The following SRGAP1 variants were observed in gnomAD, a reference collection of about 807,000 sequenced individuals.
SRGAP1 encodes the protein SLIT-ROBO Rho GTPase-activating protein 1.
A neutral mutation model predicts 121.9 loss-of-function variants in SRGAP1; 43 were observed. The ratio of observed to expected loss-of-function variants is 0.35; its 90% CI spans 0.28 to 0.46. SRGAP1 has a LOEUF of 0.46. Among genes scored for constraint, SRGAP1 ranks in the 20% least tolerant of loss-of-function variants. The pLI, the probability that SRGAP1 is intolerant of heterozygous loss-of-function variation, is 1.00. For missense variants in SRGAP1, 1,102 were observed against 1,350.9 expected, an observed-to-expected ratio of 0.82 and a Z score of 2.89; for synonymous variants, 447 against 485.4, an observed-to-expected ratio of 0.92 and a Z score of 1.04.
chr12:64,111,943 G>A lies in SRGAP1; in HGVS notation c.2101G>A (p.Asp701Asn), dbSNP rs2036436239. ...ETIFPDAKEL[D>N]GPVYEKCMAG... is the part of the protein sequence containing the mutation. ...TATTTTCCCAGATGCTAAAGAGCTG[G>A]ATGGCCCTGTTTATGAGAAATGTAT... The change falls in exon 17 of 22, where the codon GAT becomes AAT. Residue 701 changes from aspartate (D) to asparagine (N), a missense_variant. By Grantham distance (23) the Asp-to-Asn change is conservative (BLOSUM62 1). Transcript: ENST00000355086. The A allele has an allele frequency of 6.2e-7, 1 of 1,613,956 alleles. No individual in the cohort carries two copies. Among genetic ancestry groups the A allele is most frequent in the South Asian group, 1.1e-5 (1 of 91,044 alleles).
chr12:64,069,961 TC>T (rs563309269), intron 8 of SRGAP1, among the ~76,000 whole-genome samples: 7 of 152,336 alleles, frequency 4.6e-5, no homozygotes, highest in African/African-American at 1.4e-4. Flanking sequence ...CCGGTTGAAC[TC>T]CTGGGCTCAA....
At chr12:64,072,133 T>TGTGTGTGG (rs1375115269) in intron 8 of SRGAP1, among the ~76,000 whole-genome samples, 1 of 89,252 alleles carries the variant, frequency 1.1e-5, no homozygotes, top group East Asian at 3.8e-4. Context: ...TGTGTGTGTG[T>TGTGTGTGG]GTGTGTGTGT....
intron 2 of SRGAP1, among the ~76,000 whole-genome samples, chr12:63,986,559 A>G (rs993658432): frequency 6.6e-5 from 10 of 151,990 alleles, no homozygotes; most frequent in Admixed American, 5.9e-4. Context: ...GAGTAGCAGG[A>G]TTACAGGTGC....
intron 1 of SRGAP1, among the ~76,000 whole-genome samples, chr12:63,866,077 G>A (rs1899620238): frequency 6.6e-6 from 1 of 152,106 alleles, no homozygotes. Context: ...TTTTTGCTCA[G>A]CTCATGAGGC....
chr12:63,963,619 A>G (rs1313479581), intron 1 of SRGAP1, among the ~76,000 whole-genome samples: 2 of 152,184 alleles, frequency 1.3e-5, no homozygotes, highest in East Asian at 3.9e-4. Context: ...CTGCTGCACT[A>G]TAGAACACTA....
In SRGAP1 at chr12:64,150,218, C is replaced by G. The variant is rs1004159255; in HGVS notation, c.*7546C>G. On this transcript the variant is annotated 3_prime_UTR_variant, in exon 22 of 22. Transcript: ENST00000355086. ...CCTCCCGCAGTGCTGAAACAACATGCCTTGTTCAGTATTAACATCTTGAAG... is the reference window on the plus strand; with the variant it reads ...CCTCCCGCAGTGCTGAAACAACATGGCTTGTTCAGTATTAACATCTTGAAG... 6.6e-6 allele frequency: 1 copy of G among 152,102 alleles called. No individual in the cohort carries two copies. Among genetic ancestry groups the G allele is most frequent in the Admixed American group, 6.6e-5 (1 of 15,264 alleles). The allele number at this position is 152,102 out of a possible 1,614,324, so 9.4% of individuals were successfully genotyped here.
intron 6 of SRGAP1, among the ~76,000 whole-genome samples, chr12:64,060,795 C>T (rs934656133): frequency 1.3e-5 from 2 of 152,202 alleles, no homozygotes; most frequent in East Asian, 1.9e-4. Context: ...GCTTTCTTTG[C>T]GACTCCTCCA....
At chr12:63,862,105 G>A (rs1899474802) in intron 1 of SRGAP1, among the ~76,000 whole-genome samples, 1 of 152,152 alleles carries the variant, frequency 6.6e-6, no homozygotes, top group Non-Finnish European at 1.5e-5. Flanking sequence ...TGGGCGATGA[G>A]TGAAACTCCA....
rs375818045 is a variant in SRGAP1, at chr12:63,984,071, C to G, written c.192C>G (p.Ser64=). 1.3e-6 allele frequency: 2 copies of G among 1,547,854 alleles called. No homozygotes were observed. The highest frequency in any genetic ancestry group is 1.8e-6 in the Non-Finnish European group (2 of 1,139,802). Residue 64 remains serine (S), a synonymous_variant, in exon 2 of 22, where the codon TCC becomes TCG. Transcript: ENST00000355086. ...RKKAEIETEY[S]RNLEKLAERF... ...AAGCTGAAATTGAGACGGAATATTC[C>G]CGGAATCTAGAGAAGTTAGCAGAAA...
chr12:63,868,088 TTTTTG>T (rs1565927779), intron 1 of SRGAP1, among the ~76,000 whole-genome samples: 52 of 92,148 alleles, frequency 5.6e-4, no homozygotes, highest in African/African-American at 1.6e-3. Flanking sequence ...TGTTTTTTTT[TTTTTG>T]TTTTTTGAGA....
At chr12:64,119,857 G>A (rs1032823276) in intron 18 of SRGAP1, among the ~76,000 whole-genome samples, 3 of 137,558 alleles carry the variant, frequency 2.2e-5, no homozygotes, top group South Asian at 4.9e-4. Context: ...AGCAAACTCC[G>A]CCTCCCAGGT....
chr12:63,979,298 A>G (rs2033184348), intron 1 of SRGAP1, among the ~76,000 whole-genome samples: 1 of 152,050 alleles, frequency 6.6e-6, no homozygotes, highest in African/African-American at 2.4e-5. Context: ...TCGGCCTCCC[A>G]AAGTGCTGGG....
At chr12:63,878,304 C>G (rs1565932096) in intron 1 of SRGAP1, among the ~76,000 whole-genome samples, 1 of 152,116 alleles carries the variant, frequency 6.6e-6, no homozygotes, top group Non-Finnish European at 1.5e-5. Flanking sequence ...TCTATTGTAC[C>G]ATTGTAGCCA....
intron 21 of SRGAP1, among the ~76,000 whole-genome samples, chr12:64,130,096 T>C (rs1285807687): frequency 6.6e-6 from 1 of 152,246 alleles, no homozygotes; most frequent in Non-Finnish European, 1.5e-5. Context: ...AGTTTCCCAT[T>C]GACCTTAATC....
intron 1 of SRGAP1, among the ~76,000 whole-genome samples, chr12:63,897,520 G>A (rs187187974): frequency 6.1e-4 from 93 of 152,194 alleles, no homozygotes; most frequent in African/African-American, 2.0e-3. Context: ...ATGGAAAGAG[G>A]TGAAAAAAAT....
At chr12:63,898,192 G>T (rs1290345720) in intron 1 of SRGAP1, among the ~76,000 whole-genome samples, 1 of 152,192 alleles carries the variant, frequency 6.6e-6, no homozygotes, top group Non-Finnish European at 1.5e-5. Flanking sequence ...TTGCAGGGGG[G>T]ACTCCCAACA....
intron 1 of SRGAP1, among the ~76,000 whole-genome samples, chr12:63,913,981 T>C (rs2030668301): frequency 6.6e-6 from 1 of 152,186 alleles, no homozygotes; most frequent in Non-Finnish European, 1.5e-5. Context: ...TATTATTTTT[T>C]CTTATCTGTC....
chr12:64,040,799 T>G (rs2035001134), intron 4 of SRGAP1, among the ~76,000 whole-genome samples: 1 of 152,208 alleles, frequency 6.6e-6, no homozygotes, highest in Non-Finnish European at 1.5e-5. Context: ...TGAAATACTT[T>G]CAGAGATAAC....
At chr12:64,103,726 C>T (rs1314463051) in intron 15 of SRGAP1, among the ~76,000 whole-genome samples, 1 of 152,128 alleles carries the variant, frequency 6.6e-6, no homozygotes, top group Non-Finnish European at 1.5e-5. Flanking sequence ...GCTCTCTAGG[C>T]TAAGACTCAG....
Sources: gnomAD v4.1 joint callset for allele counts (sites outside exome capture counted in the v4.1 genomes callset) on GRCh38, gnomAD v4.1.1 for gene constraint, MANE v1.5 for transcripts, NCBI Gene and HGNC (gene_info 2026-07-23, HGNC 2026-07-21) for gene names.